SUPT3H: variants seen among roughly 807,000 people sequenced by gnomAD.
SUPT3H encodes transcription initiation protein SPT3 homolog.
A neutral mutation model predicts 44.3 loss-of-function variants in SUPT3H; 44 were observed. The observed-to-expected ratio is 0.99, with a 90% CI of 0.78 to 1.28. SUPT3H has a LOEUF of 1.28. Ranked by LOEUF, SUPT3H falls within the 50% of genes most tolerant of loss-of-function variation. The pLI is 0.00. For missense variants in SUPT3H, 380 were observed against 387.1 expected (o/e 0.98, Z 0.15); for synonymous variants, 124 against 125.6 (o/e 0.99, Z 0.09).
intron 3 of SUPT3H, among the ~76,000 whole-genome samples, chr6:45,078,830 C>A (rs558558247): frequency 6.6e-6 from 1 of 152,220 alleles, no homozygotes; most frequent in African/African-American, 2.4e-5. Context: ...AATGGAAATT[C>A]CCTTATATGT....
At chr6:45,321,298 T>C (rs1785457669) in intron 2 of SUPT3H, among the ~76,000 whole-genome samples, 1 of 152,186 alleles carries the variant, frequency 6.6e-6, no homozygotes, top group Non-Finnish European at 1.5e-5. Flanking sequence ...TCAAGTATGA[T>C]TTCCATTTGA....
At chr6:45,354,309 AT>A (rs1165547339) in intron 2 of SUPT3H, among the ~76,000 whole-genome samples, 1 of 152,166 alleles carries the variant, frequency 6.6e-6, no homozygotes, top group African/African-American at 2.4e-5. Flanking sequence ...ATCTGATAAC[AT>A]AGTTGTTCAC....
rs1053974151 is a variant in SUPT3H, at chr6:44,827,301, GT to G, written c.*2514del. Among the ~76,000 whole-genome samples the G allele has an allele frequency of 6.6e-6, 1 of 152,100 alleles. No homozygotes were observed. Among genetic ancestry groups the G allele is most frequent in the Non-Finnish European group, 1.5e-5 (1 of 67,976 alleles). On this transcript the variant is annotated 3_prime_UTR_variant, in exon 11 of 11. Transcript: ENST00000371459. Reference sequence around the variant, plus strand: ...TTAGGATGTATCCATAATTAGTACAGTTTTTAAATAAATTTACATCGTTGTC... The same window carrying G: ...TTAGGATGTATCCATAATTAGTACAGTTTTAAATAAATTTACATCGTTGTC...
intron 2 of SUPT3H, among the ~76,000 whole-genome samples, chr6:45,134,883 C>T (rs756361793): frequency 4.6e-5 from 7 of 152,180 alleles, no homozygotes; most frequent in Admixed American, 2.6e-4. Flanking sequence ...TACGCACTGC[C>T]TTGGTGGAGA....
chr6:44,987,315 A>T (rs1172904889), intron 6 of SUPT3H, among the ~76,000 whole-genome samples: 1 of 151,730 alleles, frequency 6.6e-6, no homozygotes, highest in Non-Finnish European at 1.5e-5. Flanking sequence ...GAAGAGGGCA[A>T]TTCAGTCCAT....
At chr6:45,131,539 T>C (rs905370931) in intron 2 of SUPT3H, among the ~76,000 whole-genome samples, 5 of 152,308 alleles carry the variant, frequency 3.3e-5, no homozygotes, top group African/African-American at 1.2e-4. Context: ...CTAACATACA[T>C]ATTAACAGCT....
rs78343442 is a variant in SUPT3H at position 44,996,545 on chromosome 6, G to A, written c.504+7108C>T. 2.6e-3 allele frequency among the ~76,000 whole-genome samples: 390 copies of A among 151,722 alleles called. 3 individuals carry two copies. Among genetic ancestry groups the A allele is most frequent in the African/African-American group, 8.6e-3 (356 of 41,466 alleles). On this transcript the variant is annotated intron_variant, in intron 6 of 10. Coordinates refer to ENST00000371459, the MANE Select transcript of SUPT3H (RefSeq NM_003599.4). ...AGTGACCTTTCAGAATATTTTAATA[G>A]AGTCTATTTCCTCTCTTGAAAAATT...
At chr6:45,119,999 T>C (rs778929854) in intron 2 of SUPT3H, among the ~76,000 whole-genome samples, 7 of 152,128 alleles carry the variant, frequency 4.6e-5, no homozygotes, top group Non-Finnish European at 8.8e-5. Context: ...TACTGTTTGC[T>C]AGACACCACT....
At chr6:44,967,224 T>A (rs193284578) in intron 6 of SUPT3H, among the ~76,000 whole-genome samples, 2,222 of 152,350 alleles carry the variant, frequency 0.015, 25 homozygotes, top group South Asian at 0.029. Flanking sequence ...AATAGCTTTT[T>A]AAAAAGGTAA....
intron 2 of SUPT3H, among the ~76,000 whole-genome samples, chr6:45,325,879 G>A (rs1472313624): frequency 1.3e-5 from 2 of 151,698 alleles, no homozygotes; most frequent in African/African-American, 4.8e-5. Flanking sequence ...GCTCCAAAGA[G>A]GATATATTTT....
chr6:45,237,391 C>G (rs551554846), intron 2 of SUPT3H, among the ~76,000 whole-genome samples: 1 of 152,272 alleles, frequency 6.6e-6, no homozygotes, highest in South Asian at 2.1e-4. Flanking sequence ...TGGGAATATT[C>G]AACCAATTAT....
chr6:45,299,541 C>T (rs1584788238), intron 2 of SUPT3H, among the ~76,000 whole-genome samples: 1 of 151,996 alleles, frequency 6.6e-6, no homozygotes, highest in Admixed American at 6.5e-5. Context: ...TATGAAAATG[C>T]TGTAATATCC....
chr6:44,900,416 C>T (rs542589814), intron 10 of SUPT3H, among the ~76,000 whole-genome samples: 18 of 152,350 alleles, frequency 1.2e-4, no homozygotes, highest in South Asian at 4.1e-4. Context: ...CACGGAGCCT[C>T]GCTCACTGCT....
At chr6:45,149,244 T>C (rs1806546881) in intron 2 of SUPT3H, among the ~76,000 whole-genome samples, 1 of 152,168 alleles carries the variant, frequency 6.6e-6, no homozygotes, top group South Asian at 2.1e-4. Flanking sequence ...ACTGTCACTG[T>C]CAATTTTCAC....
chr6:45,211,089 T>TC (rs1341625344), intron 2 of SUPT3H, among the ~76,000 whole-genome samples: 1 of 152,130 alleles, frequency 6.6e-6, no homozygotes, highest in Non-Finnish European at 1.5e-5. Context: ...TTATTACACT[T>TC]CCATTTTTTT....
rs182053366 is a variant in SUPT3H, at chr6:44,933,632, A to C, written c.802-869T>G. On this transcript the variant is annotated intron_variant, in intron 9 of 10. Transcript: ENST00000371459. The stretch of plus-strand genomic sequence containing the variant: ...CATAAACCACTTAGAACAATGCCTG[A>C]CACATGCTAGGAAATTGTTTTATTT... Among the ~76,000 whole-genome samples the C allele has an allele frequency of 2.8e-4, 43 of 152,302 alleles. No homozygotes were observed. In the East Asian group the frequency reaches 7.7e-3, roughly 27 times the overall value.
rs763177720 is a variant in SUPT3H, at chr6:45,003,747, G to A, written c.410C>T (p.Ala137Val). ...GTCAATAGAGTTGAGGAAGTCCTGA[G>A]CAATCTTTTGTCTTTTGTTCGCATT... Reference protein sequence around the residue: ...SNNANKRQKIAQDFLNSIDQT... With the variant: ...SNNANKRQKIVQDFLNSIDQT... The change falls in exon 6 of 11, where the codon GCT (alanine) becomes GTT (valine). Residue 137 changes from alanine (A) to valine (V), a missense_variant. Physicochemically the swap from Ala to Val is moderately conservative, Grantham distance 64. Coordinates refer to ENST00000371459, the MANE Select transcript of SUPT3H (RefSeq NM_003599.4). The A allele has an allele frequency of 4.5e-5, 73 of 1,613,608 alleles. No homozygotes were observed. The highest frequency in any genetic ancestry group is 5.8e-5 in the Non-Finnish European group (69 of 1,179,816).
At chr6:45,262,057 G>A (rs914917804) in intron 2 of SUPT3H, among the ~76,000 whole-genome samples, 1 of 152,082 alleles carries the variant, frequency 6.6e-6, no homozygotes, top group Non-Finnish European at 1.5e-5. Flanking sequence ...ACAAAACACT[G>A]CTGAAAGAAA....
At chr6:45,177,596 C>G (rs544807457) in intron 2 of SUPT3H, among the ~76,000 whole-genome samples, 1 of 151,984 alleles carries the variant, frequency 6.6e-6, no homozygotes, top group Non-Finnish European at 1.5e-5. Context: ...TCGAGAAGAG[C>G]AACTCCAAGA....
Sources: allele counts gnomAD v4.1 joint callset (sites outside exome capture counted in the v4.1 genomes callset), GRCh38; gene constraint gnomAD v4.1.1; transcripts MANE v1.5; gene names NCBI Gene and HGNC (gene_info 2026-07-23, HGNC 2026-07-21).